NELL2: variants seen among roughly 807,000 people sequenced by gnomAD.
NELL2 encodes the protein neural EGFL like 2, also known as protein kinase C-binding protein NELL2.
A neutral mutation model predicts 109.6 loss-of-function variants in NELL2; 41 were observed. That is an observed-to-expected ratio of 0.37 (90% confidence interval 0.29 to 0.49). NELL2 has a LOEUF of 0.49. Ranked by LOEUF, NELL2 falls within the 20% of genes least tolerant of loss-of-function variation. The probability of loss-of-function intolerance (pLI) is 0.98; values close to 1 mark genes in which losing one functional copy is unlikely to be tolerated. For missense variants in NELL2, 900 were observed against 1,008.3 expected (o/e 0.89, Z 1.45); for synonymous variants, 355 against 344.7 (o/e 1.03, Z -0.33).
chr12:44,767,156 T>C (rs1280757094), intron 9 of NELL2, among the ~76,000 whole-genome samples: 2 of 152,212 alleles, frequency 1.3e-5, no homozygotes, highest in South Asian at 2.1e-4. Flanking sequence ...GTGGAATTTA[T>C]TGAAGATGCA....
At chr12:44,907,130 G>A (rs2136887824) in intron 1 of NELL2, among the ~76,000 whole-genome samples, 1 of 152,168 alleles carries the variant, frequency 6.6e-6, no homozygotes, top group East Asian at 1.9e-4. Flanking sequence ...TGCTACTCCT[G>A]CCATGATTGT....
At chr12:44,814,771 C>A (rs1345713971) in intron 3 of NELL2, among the ~76,000 whole-genome samples, 1 of 152,190 alleles carries the variant, frequency 6.6e-6, no homozygotes, top group Non-Finnish European at 1.5e-5. Flanking sequence ...CTCACTAAGT[C>A]AGCCTTGCTA....
chr12:44,619,037 G>A (rs1014136728), intron 13 of NELL2, among the ~76,000 whole-genome samples: 2 of 152,148 alleles, frequency 1.3e-5, no homozygotes, highest in African/African-American at 4.8e-5. Flanking sequence ...ACCTGTAAAC[G>A]AAAATCTCAT....
At chr12:44,824,614 CT>C (rs879883432) in intron 2 of NELL2, among the ~76,000 whole-genome samples, 4 of 151,010 alleles carry the variant, frequency 2.6e-5, no homozygotes, top group Non-Finnish European at 5.9e-5. Flanking sequence ...GTCTACATGT[CT>C]GTTTTTATGC....
chr12:44,658,018 T>G (rs1157158019), intron 13 of NELL2, among the ~76,000 whole-genome samples: 1 of 152,176 alleles, frequency 6.6e-6, no homozygotes, highest in Non-Finnish European at 1.5e-5. Flanking sequence ...CTGTGCCAAA[T>G]GGTATTTCTG....
At chr12:44,606,397 A>C (rs1945401715) in intron 15 of NELL2, among the ~76,000 whole-genome samples, 1 of 152,136 alleles carries the variant, frequency 6.6e-6, no homozygotes, top group Non-Finnish European at 1.5e-5. Context: ...CCAGTGGCAG[A>C]AGCTTTCTTT....
At chr12:44,754,801 ATAAAG>A (rs1339679459) in intron 9 of NELL2, among the ~76,000 whole-genome samples, 3 of 152,248 alleles carry the variant, frequency 2.0e-5, no homozygotes, top group Non-Finnish European at 4.4e-5. Flanking sequence ...ATTGAAAAGT[ATAAAG>A]TAAACAAATC....
intron 3 of NELL2, among the ~76,000 whole-genome samples, chr12:44,806,212 T>C (rs1166717389): frequency 6.6e-6 from 1 of 151,740 alleles, no homozygotes; most frequent in Non-Finnish European, 1.5e-5. Flanking sequence ...ATATGGAAAA[T>C]TGACAATGCA....
intron 13 of NELL2, among the ~76,000 whole-genome samples, chr12:44,657,703 C>T (rs1947565108): frequency 1.3e-5 from 2 of 152,294 alleles, no homozygotes; most frequent in South Asian, 4.1e-4. Flanking sequence ...TTGTTCAACA[C>T]TCACTTATGA....
intron 13 of NELL2, among the ~76,000 whole-genome samples, chr12:44,613,634 TTAAAA>T (rs1377461047): frequency 2.6e-4 from 40 of 152,238 alleles, no homozygotes; most frequent in Non-Finnish European, 4.1e-4. Context: ...TTCACACTAC[TTAAAA>T]TAAAGTTGGT....
intron 12 of NELL2, among the ~76,000 whole-genome samples, chr12:44,688,351 AAAAAT>A (rs1948792594): frequency 6.6e-6 from 1 of 152,236 alleles, no homozygotes; most frequent in Non-Finnish European, 1.5e-5. Flanking sequence ...TTTTAGTTCC[AAAAAT>A]AAAATAATAT....
chr12:44,633,937 A>C (rs796673275), intron 13 of NELL2, among the ~76,000 whole-genome samples: 7 of 152,212 alleles, frequency 4.6e-5, no homozygotes, highest in African/African-American at 1.7e-4. Flanking sequence ...CCTAAGAGAG[A>C]ATATATTCAG....
intron 15 of NELL2, among the ~76,000 whole-genome samples, chr12:44,538,556 A>C (rs1346148306): frequency 6.6e-6 from 1 of 152,198 alleles, no homozygotes; most frequent in Non-Finnish European, 1.5e-5. Flanking sequence ...AAGGTTATTA[A>C]TAGGAGAGTG....
intron 15 of NELL2, among the ~76,000 whole-genome samples, chr12:44,592,306 T>C (rs1944783078): frequency 1.3e-5 from 2 of 152,164 alleles, no homozygotes; most frequent in Admixed American, 1.3e-4. Flanking sequence ...CCAGCTGATA[T>C]CTCAGAAAAT....
intron 12 of NELL2, among the ~76,000 whole-genome samples, chr12:44,694,344 CATT>C (rs1315728091): frequency 2.0e-5 from 3 of 152,078 alleles, no homozygotes; most frequent in African/African-American, 4.8e-5. Flanking sequence ...GAACTTATAT[CATT>C]GAGTCTCCAA....
chr12:44,604,056 T>G (rs904364752), intron 15 of NELL2, among the ~76,000 whole-genome samples: 5 of 152,068 alleles, frequency 3.3e-5, no homozygotes, highest in African/African-American at 7.2e-5. Flanking sequence ...AGAGAAAAAC[T>G]GCCACAGTCT....
At chr12:44,544,550 C>G (rs764310468) in intron 15 of NELL2, among the ~76,000 whole-genome samples, 37 of 152,024 alleles carry the variant, frequency 2.4e-4, no homozygotes, top group Non-Finnish European at 5.0e-4. Context: ...AGAAAGGGTG[C>G]TGGAAAGTGA....
At chr12:44,734,807 T>A (rs954810002) in intron 9 of NELL2, among the ~76,000 whole-genome samples, 14 of 152,188 alleles carry the variant, frequency 9.2e-5, no homozygotes, top group African/African-American at 3.4e-4. Context: ...GGTAATTATA[T>A]CTTATTCTAT....
chr12:44,599,875 G>T (rs1225471829), intron 15 of NELL2, among the ~76,000 whole-genome samples: 2 of 151,182 alleles, frequency 1.3e-5, no homozygotes, highest in African/African-American at 4.9e-5. Flanking sequence ...TGAATTGAAA[G>T]CAGACTTCTG....
Sources: gnomAD v4.1 joint callset for allele counts (sites outside exome capture counted in the v4.1 genomes callset) on GRCh38, gnomAD v4.1.1 for gene constraint, MANE v1.5 for transcripts, NCBI Gene and HGNC (gene_info 2026-07-23, HGNC 2026-07-21) for gene names.